The following CACNA2D4 variants were observed in gnomAD, a reference collection of about 807,000 sequenced individuals.
The protein encoded by CACNA2D4 is voltage-dependent calcium channel subunit alpha-2/delta-4.
Under a neutral mutation model 163.8 loss-of-function variants are expected in CACNA2D4, and 157 were observed. The observed-to-expected ratio is 0.96, with a 90% confidence interval of 0.84 to 1.09. CACNA2D4 has a LOEUF of 1.09. CACNA2D4 is among the 50% of genes least tolerant of loss of function. CACNA2D4 has a pLI of 0.00. For synonymous variants in CACNA2D4, 598 were observed against 586.9 expected, an observed-to-expected ratio of 1.02 and a Z score of -0.27; for missense variants, 1,410 against 1,479.9, an observed-to-expected ratio of 0.95 and a Z score of 0.78.
Position 1,834,200 on chromosome 12 carries a change from G to A in CACNA2D4, c.2551+6539C>T. 1 of 1,498,096 alleles carries A rather than the reference G, an allele frequency of 6.7e-7. No homozygotes were observed. The highest frequency in any genetic ancestry group is 8.9e-7 in the Non-Finnish European group (1 of 1,123,126). The allele number at this position is 1,498,096 out of a possible 1,614,324, so 92.8% of individuals were successfully genotyped here. A position where few individuals can be genotyped will look rare whatever the true frequency, so the allele number is the denominator to read the frequency against. On this transcript the variant is annotated intron_variant, in intron 26 of 37. Transcript: ENST00000382722. The surrounding 1 kb of genome is among the most constrained non-coding windows in gnomAD (Gnocchi z 7.6). The stretch of plus-strand genomic sequence containing the variant: ...CTGGGGCTTCCGTTTTGGGGAGCTG[G>A]GGATGGGGAGAGGGAGTGCAAGTTC...
chr12:1,836,135 G>A (rs946435192), intron 26 of CACNA2D4: 8 of 152,426 alleles, frequency 5.2e-5, no homozygotes, highest in East Asian at 1.9e-4. Flanking sequence ...GCACCCAGCC[G>A]GGGCCAAACC....
chr12:1,826,788 G>A (rs1195757190), intron 26 of CACNA2D4, among the ~76,000 whole-genome samples: 5 of 152,218 alleles, frequency 3.3e-5, no homozygotes, highest in East Asian at 1.9e-4. Context: ...GGGCCGAGGG[G>A]ACCAGAGGGG....
chr12:1,854,132 G>C, intron 22 of CACNA2D4, 88 bp from the exon 23 acceptor site: 6 of 967,654 alleles, frequency 6.2e-6, no homozygotes, highest in Non-Finnish European at 7.6e-6. Flanking sequence ...GGGAGAAGAT[G>C]TGCTTCCTGA....
chr12:1,861,848 G>A lies in CACNA2D4; in HGVS notation c.1879-1642C>T, dbSNP rs574596059. Among the ~76,000 whole-genome samples the A allele has an allele frequency of 2.9e-4, 44 of 152,230 alleles. 2 individuals are homozygous for A. Among genetic ancestry groups the A allele is most frequent in the Admixed American group, 2.3e-3 (35 of 15,294 alleles). On this transcript the variant is annotated intron_variant, in intron 18 of 37. Transcript: ENST00000382722. ...AGCCCTGTGATTACCAACCTGTCAA[G>A]GTACAGAACAGCCTCTCCAGTCTCT...
rs762721786 is a variant in CACNA2D4 at position 1,854,046 on chromosome 12, T to G, written c.2153-2A>C. ...CCTCCCGGACCAGCTCCTCGTCACC[T>G]GGGTGCAAAACATCAGGGAACCAGG... On this transcript the variant is annotated splice_acceptor_variant, in intron 22 of 37. Transcript: ENST00000382722. LOFTEE classifies it high-confidence loss of function. 3 of 1,606,360 alleles carry G rather than the reference T, an allele frequency of 1.9e-6. No individual in the cohort carries two copies. Among genetic ancestry groups the G allele is most frequent in the Non-Finnish European group, 2.6e-6 (3 of 1,175,772 alleles).
In CACNA2D4 at chr12:1,834,788, C is replaced by T. The variant is rs1019264415; in HGVS notation, c.2551+5951G>A. ...CACACGGCATTGCTCAGCCACAGCT[C>T]CCACCTTGACCCGGCGCTGGCCACT... On this transcript the variant is annotated intron_variant, in intron 26 of 37. Transcript: ENST00000382722. This position sits in a 1 kb window ranked among gnomAD's most constrained non-coding sequence, Gnocchi z 7.6. 10 of 1,500,408 alleles carry T rather than the reference C, an allele frequency of 6.7e-6. No individual in the cohort carries two copies. The East Asian group carries it at 6.9e-5, about 10-fold the overall frequency. The allele number at this position is 1,500,408 out of a possible 1,614,324, so 92.9% of individuals were successfully genotyped here. A position where few individuals can be genotyped will look rare whatever the true frequency, so the allele number is the denominator to read the frequency against.
intron 2 of CACNA2D4, 29 bp from the exon 3 acceptor site, chr12:1,913,168 G>C (rs1032194614): frequency 2.0e-6 from 3 of 1,492,050 alleles, no homozygotes; most frequent in African/African-American, 2.8e-5. Flanking sequence ...AGAGATGCGT[G>C]CATGTGGTTT....
At chr12:1,913,412 C>G (rs990678722) in intron 2 of CACNA2D4, among the ~76,000 whole-genome samples, 1 of 152,222 alleles carries the variant, frequency 6.6e-6, no homozygotes, top group African/African-American at 2.4e-5. Context: ...TCAGAGAAGT[C>G]AGTGAACTTG....
At position 1,793,563 on chromosome 12, in the gene CACNA2D4, A is replaced by C; in HGVS notation, c.*92T>G. On this transcript the variant is annotated 3_prime_UTR_variant, in exon 38 of 38. Coordinates refer to ENST00000382722, the MANE Select transcript of CACNA2D4 (RefSeq NM_172364.5). ...GGAGCGTTGGCCTGGGGGCGACCCA[A>C]CTGCAGTTAGCTGCATCCCATGTCA... is the stretch of plus-strand genomic sequence containing the variant. 1 of 1,133,342 alleles carries C rather than the reference A, an allele frequency of 8.8e-7. No individual in the cohort carries two copies. Among genetic ancestry groups the C allele is most frequent in the East Asian group, 2.4e-5 (1 of 41,668 alleles). 70.2% of individuals were successfully genotyped at this position (1,133,342 alleles called of 1,614,324 possible).
intron 26 of CACNA2D4, chr12:1,822,097 A>G (rs1417484205): frequency 6.6e-6 from 1 of 152,010 alleles, no homozygotes; most frequent in Non-Finnish European, 1.5e-5. Context: ...AAGTCTCAGC[A>G]CTGCCAAAAG....
chr12:1,793,792 G>C (rs149022741), intron 37 of CACNA2D4, 33 bp from the exon 38 acceptor site: 2 of 1,564,008 alleles, frequency 1.3e-6, no homozygotes, highest in Admixed American at 1.7e-5. Flanking sequence ...ACAGCGCGGC[G>C]CTCAGAGGAG....
In CACNA2D4 at chr12:1,828,010, C is replaced by T. The variant is rs933160675; in HGVS notation, c.2551+12729G>A. 1.7e-5 allele frequency: 11 copies of T among 654,080 alleles called. No individual in the cohort carries two copies. Among genetic ancestry groups the T allele is most frequent in the South Asian group, 5.1e-5 (2 of 39,528 alleles). The allele number at this position is 654,080 out of a possible 1,614,324, so 40.5% of individuals were successfully genotyped here. A position where few individuals can be genotyped will look rare whatever the true frequency, so the allele number is the denominator to read the frequency against. ...GTGTAAAGAGACACCCGGGCCCTCT[C>T]CCTAACCCCTGGGCTGGAACGGGGC... On this transcript the variant is annotated intron_variant, in intron 26 of 37. Coordinates refer to ENST00000382722, the MANE Select transcript of CACNA2D4 (RefSeq NM_172364.5). This position sits in a 1 kb window ranked among gnomAD's most constrained non-coding sequence, Gnocchi z 4.2.
intron 18 of CACNA2D4, among the ~76,000 whole-genome samples, chr12:1,862,804 A>G (rs1865552463): frequency 6.6e-6 from 1 of 152,152 alleles, no homozygotes; most frequent in Non-Finnish European, 1.5e-5. Context: ...CAGTGCTCTG[A>G]GCATTTTTTA....
At position 1,834,201 on chromosome 12, in the gene CACNA2D4, G is replaced by A; in HGVS notation, c.2551+6538C>T. On this transcript the variant is annotated intron_variant, in intron 26 of 37. Coordinates refer to ENST00000382722, the MANE Select transcript of CACNA2D4 (RefSeq NM_172364.5). This position sits in a 1 kb window ranked among gnomAD's most constrained non-coding sequence, Gnocchi z 7.6. ...TGGGGCTTCCGTTTTGGGGAGCTGG[G>A]GATGGGGAGAGGGAGTGCAAGTTCT... 2.0e-6 allele frequency: 3 copies of A among 1,499,044 alleles called. No homozygotes were observed. The South Asian group carries it at 4.1e-5, about 20-fold the overall frequency. The allele number at this position is 1,499,044 out of a possible 1,614,324, so 92.9% of individuals were successfully genotyped here.
rs1865857803 is a variant in CACNA2D4, at chr12:1,875,259, C to A, written c.1798G>T (p.Ala600Ser). The change falls in exon 17 of 38, where the codon GCT becomes TCT. Residue 600 changes from alanine (A) to serine (S), a missense_variant. Coordinates refer to ENST00000382722, the MANE Select transcript of CACNA2D4 (RefSeq NM_172364.5). The surrounding 1 kb of genome is among the most constrained non-coding windows in gnomAD (Gnocchi z 4.0). The part of the protein sequence containing the change: ...DLSEVEWEDQ[A>S]ESLRTAMINR... Reference sequence around the variant, plus strand: ...CTATTTTCCCCACTCACAGATTCAGCCTGGTCTTCCCACTCCACTTCGGAG... The same window carrying A: ...CTATTTTCCCCACTCACAGATTCAGACTGGTCTTCCCACTCCACTTCGGAG... 6.2e-7 allele frequency: 1 copy of A among 1,612,154 alleles called. No individual in the cohort carries two copies. Among genetic ancestry groups the A allele is most frequent in the Admixed American group, 1.7e-5 (1 of 59,994 alleles).
intron 20 of CACNA2D4, 97 bp downstream of exon 20, chr12:1,858,480 G>T: frequency 9.3e-7 from 1 of 1,070,374 alleles, no homozygotes; most frequent in Non-Finnish European, 1.4e-6. Flanking sequence ...CTGGGAGGCT[G>T]TCACACTGGC....
intron 36 of CACNA2D4, 68 bp from the exon 37 acceptor site, chr12:1,795,449 TG>T: frequency 1.4e-6 from 2 of 1,431,454 alleles, no homozygotes; most frequent in South Asian, 1.2e-5. Context: ...GAAAAAGGTC[TG>T]GAAGAACCTG....
At chr12:1,906,185 G>A (rs186855502) in intron 6 of CACNA2D4, among the ~76,000 whole-genome samples, 12 of 152,152 alleles carry the variant, frequency 7.9e-5, no homozygotes, top group African/African-American at 2.4e-4. Context: ...AACTAAAAAC[G>A]GAAATGTAAG....
At chr12:1,800,262 C>T in intron 32 of CACNA2D4, 124 bp downstream of exon 32, 1 of 1,126,176 alleles carries the variant, frequency 8.9e-7, no homozygotes, top group Non-Finnish European at 1.3e-6. Context: ...ATTGTGCCCT[C>T]CTTCCCCGGG....
Sources: allele counts gnomAD v4.1 joint callset (sites outside exome capture counted in the v4.1 genomes callset), GRCh38; gene constraint gnomAD v4.1.1; non-coding constraint Gnocchi (gnomAD v3.1); transcripts MANE v1.5; gene names NCBI Gene and HGNC (gene_info 2026-07-23, HGNC 2026-07-21).